Variants in DNAJC17 observed in about 807,000 individuals in gnomAD.
The protein encoded by DNAJC17 is DnaJ heat shock protein family (Hsp40) member C17.
Under a neutral mutation model 48.1 loss-of-function variants are expected in DNAJC17, and 35 were observed. The ratio of observed to expected loss-of-function variants is 0.73; its 90% CI spans 0.56 to 0.96. DNAJC17 has a LOEUF of 0.96. DNAJC17 is among the 50% of genes least tolerant of loss of function. DNAJC17 has a pLI of 0.00. For synonymous variants in DNAJC17, 117 were observed against 142.7 expected (o/e 0.82, Z 1.28); for missense variants, 355 against 377.1 (o/e 0.94, Z 0.48).
At chr15:40,796,243 G>T (rs933914737) in intron 1 of DNAJC17, among the ~76,000 whole-genome samples, 1 of 152,160 alleles carries the variant, frequency 6.6e-6, no homozygotes, top group African/African-American at 2.4e-5. Context: ...ACAAAACAGA[G>T]GAAGTCCTTT....
intron 4 of DNAJC17, among the ~76,000 whole-genome samples, chr15:40,778,013 A>G (rs1889378557): frequency 6.6e-6 from 1 of 152,074 alleles, no homozygotes; most frequent in South Asian, 2.1e-4. Context: ...AAGTCTGGGT[A>G]GGAATTGGGG....
chr15:40,806,834 G>T (rs118079000), intron 1 of DNAJC17, among the ~76,000 whole-genome samples: 1 of 152,198 alleles, frequency 6.6e-6, no homozygotes, highest in African/African-American at 2.4e-5. Flanking sequence ...GCTGAGAAGG[G>T]CATCAGCTAC....
intron 1 of DNAJC17, chr15:40,792,639 A>T: frequency 2.7e-6 from 1 of 375,294 alleles, no homozygotes; most frequent in Non-Finnish European, 3.7e-6. Flanking sequence ...ACATAGGGAG[A>T]CCCCATCTCC....
chr15:40,801,072 G>A (rs1335185094), intron 1 of DNAJC17, among the ~76,000 whole-genome samples: 1 of 152,158 alleles, frequency 6.6e-6, no homozygotes, highest in East Asian at 1.9e-4. Context: ...ACTGCCCTTG[G>A]TCTCCTGATT....
intron 1 of DNAJC17, chr15:40,807,117 T>A (rs534039040): frequency 3.3e-6 from 3 of 905,442 alleles, no homozygotes; most frequent in Admixed American, 5.9e-5. Context: ...CCGCGGCCTC[T>A]AGGAGACAGG....
intron 6 of DNAJC17, 86 bp downstream of exon 6, chr15:40,776,110 G>T: frequency 7.6e-7 from 1 of 1,312,458 alleles, no homozygotes; most frequent in Non-Finnish European, 1.1e-6. Context: ...AGCCTCCACA[G>T]CAGCTCCACC....
intron 4 of DNAJC17, 72 bp from the exon 5 acceptor site, chr15:40,776,699 C>G: frequency 2.7e-6 from 4 of 1,496,416 alleles, no homozygotes; most frequent in South Asian, 2.3e-5. Context: ...CACCCCAGCT[C>G]TGGCTGCCTC....
At chr15:40,806,667 C>G (rs1020007725) in intron 1 of DNAJC17, among the ~76,000 whole-genome samples, 1 of 152,146 alleles carries the variant, frequency 6.6e-6, no homozygotes, top group Non-Finnish European at 1.5e-5. Context: ...GTTAAAACTA[C>G]CACCATGATC....
At chr15:40,782,214 C>A (rs1442166160) in intron 1 of DNAJC17, among the ~76,000 whole-genome samples, 1 of 151,406 alleles carries the variant, frequency 6.6e-6, no homozygotes, top group Non-Finnish European at 1.5e-5. Flanking sequence ...CAGAGTGAGA[C>A]CTTGTCTCAA....
rs897280981 is a variant in DNAJC17 at position 40,767,082 on chromosome 15, C to T, written c.*858G>A. Reference sequence around the variant, plus strand: ...ACCTAGAAGGGGAGGAGGCAGGGGGCGTGCACTTACCCCAGCGCCCAGCAA... The same window carrying T: ...ACCTAGAAGGGGAGGAGGCAGGGGGTGTGCACTTACCCCAGCGCCCAGCAA... On this transcript the variant is annotated 3_prime_UTR_variant, in exon 11 of 11. Transcript: ENST00000220496. 55 of 682,260 alleles carry T rather than the reference C, an allele frequency of 8.1e-5. No homozygotes were observed. The highest frequency in any genetic ancestry group is 1.2e-4 in the Non-Finnish European group (53 of 438,734). The allele number at this position is 682,260 out of a possible 1,614,324, so 42.3% of individuals were successfully genotyped here. A position where few individuals can be genotyped will look rare whatever the true frequency, so the allele number is the denominator to read the frequency against.
chr15:40,768,208 T>C, intron 10 of DNAJC17, 146 bp from the exon 11 acceptor site: 2 of 1,193,592 alleles, frequency 1.7e-6, no homozygotes, highest in Non-Finnish European at 2.2e-6. Flanking sequence ...GAGCATCCTT[T>C]TGGAATCCTG....
At chr15:40,804,622 AT>A (rs754250199) in intron 1 of DNAJC17, among the ~76,000 whole-genome samples, 36 of 152,132 alleles carry the variant, frequency 2.4e-4, no homozygotes, top group African/African-American at 3.1e-4. Context: ...TAAAAAAAAA[AT>A]AAAATCTGAT....
rs1320852739 is a variant in DNAJC17 at position 40,780,269 on chromosome 15, G to A, written c.79-272C>T. ...CCAGGGGCTGCTGCAACAGGCAGGA[G>A]CACAGTACCCCGCTTTCTCGACAGC... On this transcript the variant is annotated intron_variant, in intron 1 of 10. Coordinates refer to ENST00000220496, the MANE Select transcript of DNAJC17 (RefSeq NM_018163.3). 6 of 608,732 alleles carry A rather than the reference G, an allele frequency of 9.9e-6. No individual in the cohort carries two copies. The East Asian group carries it at 1.0e-4, about 11-fold the overall frequency. The allele number at this position is 608,732 out of a possible 1,614,324, so 37.7% of individuals were successfully genotyped here.
At chr15:40,801,341 C>A (rs1890067450) in intron 1 of DNAJC17, among the ~76,000 whole-genome samples, 1 of 152,120 alleles carries the variant, frequency 6.6e-6, no homozygotes, top group Non-Finnish European at 1.5e-5. Context: ...GAATATAAGG[C>A]AAGGCTTCTC....
At chr15:40,799,491 T>TTGCAGAAAGGCTAGTTCTGTG (rs1890024294) in intron 1 of DNAJC17, among the ~76,000 whole-genome samples, 1 of 152,122 alleles carries the variant, frequency 6.6e-6, no homozygotes, top group Admixed American at 6.5e-5. Flanking sequence ...GGAAGAACAT[T>TTGCAGAAAGGCTAGTTCTGTG]TGCAGAAAGG....
At chr15:40,768,223 G>T (rs545606793) in intron 10 of DNAJC17, among the ~76,000 whole-genome samples, 161 bp from the exon 11 acceptor site, 22 of 152,246 alleles carry the variant, frequency 1.4e-4, no homozygotes, top group African/African-American at 5.3e-4. Flanking sequence ...ATCCTGGCTC[G>T]CCTGTGTCCC....
chr15:40,799,518 A>G (rs1890025244), intron 1 of DNAJC17, among the ~76,000 whole-genome samples: 1 of 152,180 alleles, frequency 6.6e-6, no homozygotes, highest in Admixed American at 6.5e-5. Flanking sequence ...CTGTGTACAG[A>G]AAGGCAGAGT....
At chr15:40,789,700 C>T (rs1379804069) in intron 1 of DNAJC17, among the ~76,000 whole-genome samples, 4 of 151,798 alleles carry the variant, frequency 2.6e-5, no homozygotes, top group Non-Finnish European at 5.9e-5. Flanking sequence ...TCCCTCTGGG[C>T]CCTGGTACTT....
chr15:40,771,074 G>A, intron 10 of DNAJC17: 3 of 1,514,932 alleles, frequency 2.0e-6, no homozygotes, highest in Non-Finnish European at 2.7e-6. Flanking sequence ...CAGAGGCTGG[G>A]GATTAAGGAA....
Sources: gnomAD v4.1 joint callset for allele counts (sites outside exome capture counted in the v4.1 genomes callset) on GRCh38, gnomAD v4.1.1 for gene constraint, MANE v1.5 for transcripts, NCBI Gene and HGNC (gene_info 2026-07-23, HGNC 2026-07-21) for gene names.